The following ARHGEF10L variants were observed in gnomAD, a reference collection of about 807,000 sequenced individuals.
The protein encoded by ARHGEF10L is Rho guanine nucleotide exchange factor 10 like, also known as rho guanine nucleotide exchange factor 10-like protein.
ARHGEF10L carries 69 observed loss-of-function variants against 141.2 expected under a neutral mutation model. The observed-to-expected ratio is 0.49, with a 90% CI of 0.40 to 0.60. The LOEUF (loss-of-function observed/expected upper bound fraction) is 0.60. Among genes scored for constraint, ARHGEF10L ranks in the 20% least tolerant of loss-of-function variants. ARHGEF10L has a pLI of 0.00. For synonymous variants in ARHGEF10L, 711 were observed against 718.5 expected, an observed-to-expected ratio of 0.99 and a Z score of 0.17; for missense variants, 1,482 against 1,734.3, an observed-to-expected ratio of 0.85 and a Z score of 2.58.
intron 1 of ARHGEF10L, among the ~76,000 whole-genome samples, chr1:17,543,518 G>A (rs1381496502): frequency 6.6e-6 from 1 of 152,020 alleles, no homozygotes; most frequent in Non-Finnish European, 1.5e-5. Context: ...AGGAGGCGGA[G>A]GTTGCAGTGA....
intron 27 of ARHGEF10L, chr1:17,694,821 C>T (rs2065368763): frequency 2.2e-6 from 1 of 455,794 alleles, no homozygotes; most frequent in East Asian, 5.6e-5. Context: ...TGCCCTTGGA[C>T]AACCCTTTGT....
At chr1:17,632,292 G>A in intron 15 of ARHGEF10L, 29 bp from the exon 16 acceptor site, 1 of 1,612,064 alleles carries the variant, frequency 6.2e-7, no homozygotes, top group South Asian at 1.1e-5. Flanking sequence ...CCGCGATGCT[G>A]ATGCTGACCT....
chr1:17,679,926 C>T (rs954710647), intron 26 of ARHGEF10L, among the ~76,000 whole-genome samples: 3 of 152,172 alleles, frequency 2.0e-5, no homozygotes, highest in Non-Finnish European at 2.9e-5. Context: ...AGGGCCAGCT[C>T]GGTGGTGACT....
rs2081327543 is a variant in ARHGEF10L, at chr1:17,607,922, C to A, written c.554C>A (p.Ala185Asp). 6.6e-7 allele frequency: 1 copy of A among 1,526,230 alleles called. No homozygotes were observed. Among genetic ancestry groups the A allele is most frequent in the East Asian group, 2.6e-5 (1 of 38,740 alleles). The allele number at this position is 1,526,230 out of a possible 1,614,324, so 94.5% of individuals were successfully genotyped here. The change falls in exon 7 of 29, where the codon GCC (alanine) becomes GAC (aspartate). Residue 185 changes from alanine (A) to aspartate (D), a missense_variant. Ala to Asp is a moderately radical substitution (Grantham distance 126). This residue lies in a region of ARHGEF10L where 392 missense variants were observed against 542.1 expected (regional missense o/e 0.72). Transcript: ENST00000361221. The surrounding 1 kb of genome is among the most constrained non-coding windows in gnomAD (Gnocchi z 4.5). ...ESYSEDSGEE[A>D]KPEVEVEPAK... ...TACAGCGAGGACTCGGGGGAGGAGG[C>A]CAAGCCGGAGGTCGAGGTCGAGCCC... is the stretch of plus-strand genomic sequence containing the variant.
In ARHGEF10L at chr1:17,622,993, C is replaced by G; in HGVS notation, c.1021-3C>G. 1 of 1,610,658 alleles carries G rather than the reference C, an allele frequency of 6.2e-7. No homozygotes were observed. Among genetic ancestry groups the G allele is most frequent in the Non-Finnish European group, 8.5e-7 (1 of 1,179,042 alleles). The stretch of plus-strand genomic sequence containing the variant: ...TGCGGCCTCACCCCGCCCTCCCCGG[C>G]AGGACTACCGCAACCCCCTGATGGA... On this transcript the variant is annotated splice_polypyrimidine_tract_variant and splice_region_variant and intron_variant, in intron 11 of 28. Transcript: ENST00000361221.
chr1:17,632,283 C>G, intron 15 of ARHGEF10L, 38 bp from the exon 16 acceptor site: 1 of 1,609,288 alleles, frequency 6.2e-7, no homozygotes, highest in Non-Finnish European at 8.5e-7. Context: ...GCCGCCGGGC[C>G]GCGATGCTGA....
chr1:17,685,400 G>A (rs2064488689), intron 26 of ARHGEF10L, among the ~76,000 whole-genome samples: 1 of 152,066 alleles, frequency 6.6e-6, no homozygotes, highest in Non-Finnish European at 1.5e-5. Context: ...CCTGCCTCCG[G>A]GCCTTTGCAC....
At chr1:17,631,803 C>T (rs1326609719) in intron 15 of ARHGEF10L, among the ~76,000 whole-genome samples, 3 of 152,242 alleles carry the variant, frequency 2.0e-5, no homozygotes, top group Non-Finnish European at 4.4e-5. Context: ...TTGCACTGGA[C>T]CGCAAGAGTC....
rs142167899 is a variant in ARHGEF10L at position 17,682,237 on chromosome 1, C to T, written c.3010-5336C>T. Among the ~76,000 whole-genome samples the T allele has an allele frequency of 2.0e-4, 31 of 152,242 alleles. No individual in the cohort carries two copies. The East Asian group carries it at 4.4e-3, about 22-fold the overall frequency. ...GTGGACAGGGCCAGGGAAGAACTCT[C>T]GAGTTGGGGTTCGTTTTGATACCTC... On this transcript the variant is annotated intron_variant, in intron 26 of 28. Transcript: ENST00000361221.
At chr1:17,681,938 C>T (rs1320281659) in intron 26 of ARHGEF10L, among the ~76,000 whole-genome samples, 1 of 152,160 alleles carries the variant, frequency 6.6e-6, no homozygotes, top group Non-Finnish European at 1.5e-5. Flanking sequence ...CAGAGATTCA[C>T]CTGACCCCAC....
chr1:17,670,804 G>A (rs1369881444), intron 26 of ARHGEF10L, among the ~76,000 whole-genome samples: 3 of 152,230 alleles, frequency 2.0e-5, no homozygotes, highest in African/African-American at 7.2e-5. Flanking sequence ...CAGGCCCTTT[G>A]GCTTGCAGTG....
chr1:17,682,815 C>G (rs2064229944), intron 26 of ARHGEF10L, among the ~76,000 whole-genome samples: 1 of 152,144 alleles, frequency 6.6e-6, no homozygotes, highest in African/African-American at 2.4e-5. Context: ...CTGACCCCAC[C>G]AACCCCACAC....
Position 17,644,083 on chromosome 1 carries a change from C to G in ARHGEF10L, c.2272+3781C>G, listed in dbSNP as rs1414392366. Among the ~76,000 whole-genome samples, 1 of 152,226 alleles carries G rather than the reference C, an allele frequency of 6.6e-6. No homozygotes were observed. The highest frequency in any genetic ancestry group is 1.5e-5 in the Non-Finnish European group (1 of 68,038). On this transcript the variant is annotated intron_variant, in intron 21 of 28. Transcript: ENST00000361221. The surrounding 1 kb of genome is among the most constrained non-coding windows in gnomAD (Gnocchi z 4.5). ...CCCTTGGAGCTCCTCCCACCCATGGCCCTTCTCATTCCCACCTCTCAAGGG... is the reference window on the plus strand; with the variant it reads ...CCCTTGGAGCTCCTCCCACCCATGGGCCTTCTCATTCCCACCTCTCAAGGG...
In ARHGEF10L at chr1:17,696,833, C is replaced by T. The variant is rs767535230; in HGVS notation, c.3308-15C>T. ...GGCCTTTGGGCCCCTTTCTCTCTCG[C>T]CCCATTTTCTGCAGGGAAAGGCATG... On this transcript the variant is annotated splice_polypyrimidine_tract_variant and intron_variant, in intron 28 of 28. Coordinates refer to ENST00000361221, the MANE Select transcript of ARHGEF10L (RefSeq NM_018125.4). The T allele has an allele frequency of 6.6e-7, 1 of 1,521,988 alleles. No individual in the cohort carries two copies. Among genetic ancestry groups the T allele is most frequent in the African/African-American group, 1.4e-5 (1 of 71,978 alleles). 94.3% of individuals were successfully genotyped at this position (1,521,988 alleles called of 1,614,324 possible).
intron 21 of ARHGEF10L, among the ~76,000 whole-genome samples, chr1:17,647,152 C>T (rs770794755): frequency 1.3e-4 from 20 of 152,160 alleles, no homozygotes; most frequent in Non-Finnish European, 2.5e-4. Flanking sequence ...GGAGCATCAG[C>T]GGGCGCGGTT....
At chr1:17,683,143 C>T (rs1364367514) in intron 26 of ARHGEF10L, among the ~76,000 whole-genome samples, 20 of 145,734 alleles carry the variant, frequency 1.4e-4, no homozygotes, top group Non-Finnish European at 2.1e-4. Context: ...CTGCTCTCAC[C>T]GCGGTGCTCA....
chr1:17,533,429 C>G, the ARHGEF10L span, among the ~76,000 whole-genome samples: 1 of 152,122 alleles, frequency 6.6e-6, no homozygotes, highest in African/African-American at 2.4e-5. Flanking sequence ...CTTGCCCTCC[C>G]AAAATGCTGA....
At chr1:17,570,612 G>A (rs1463968100) in intron 1 of ARHGEF10L, among the ~76,000 whole-genome samples, 1 of 152,090 alleles carries the variant, frequency 6.6e-6, no homozygotes, top group African/African-American at 2.4e-5. Context: ...TAAATGAGGT[G>A]AGAAAACATT....
intron 6 of ARHGEF10L, among the ~76,000 whole-genome samples, chr1:17,605,739 C>T (rs2081112964): frequency 6.6e-6 from 1 of 152,074 alleles, no homozygotes; most frequent in South Asian, 2.1e-4. Context: ...ACGGCTCAGC[C>T]CTGTGGAGGC....
Sources: gnomAD v4.1 joint callset for allele counts (sites outside exome capture counted in the v4.1 genomes callset) on GRCh38, gnomAD v4.1.1 for gene constraint, gnomAD v4.1.1 regional missense constraint, Gnocchi (gnomAD v3.1) non-coding constraint, MANE v1.5 for transcripts, NCBI Gene and HGNC (gene_info 2026-07-23, HGNC 2026-07-21) for gene names.